Variants in GOLGB1 observed in about 807,000 individuals in gnomAD.
GOLGB1 encodes the protein golgin subfamily B member 1.
A neutral mutation model predicts 336.9 loss-of-function variants in GOLGB1; 174 were observed. The observed-to-expected ratio is 0.52, with a 90% confidence interval of 0.46 to 0.59. The LOEUF is 0.59. GOLGB1 is among the 20% of genes least tolerant of loss of function. The pLI, the probability that GOLGB1 is intolerant of heterozygous loss-of-function variation, is 0.00. For synonymous variants in GOLGB1, 1,208 were observed against 1,289.2 expected (o/e 0.94, Z 1.35); for missense variants, 3,331 against 3,645.3 (o/e 0.91, Z 2.22).
At chr3:121,675,118 G>A (rs1042871559) in intron 17 of GOLGB1, among the ~76,000 whole-genome samples, 12 of 150,842 alleles carry the variant, frequency 8.0e-5, no homozygotes, top group African/African-American at 2.4e-4. Context: ...TTACAGGCGT[G>A]AGCCACCGCG....
Position 121,702,610 on chromosome 3 carries a change from G to A in GOLGB1, c.1405-15C>T. On this transcript the variant is annotated splice_polypyrimidine_tract_variant and intron_variant, in intron 10 of 21. Coordinates refer to ENST00000614479, the MANE Select transcript of GOLGB1 (RefSeq NM_001366282.2). Reference sequence around the variant, plus strand: ...TCAGTGACTGCCTAAATTGTAGAAAGACAACAAATTAATGATTCTCCAGCA... The same window carrying A: ...TCAGTGACTGCCTAAATTGTAGAAAAACAACAAATTAATGATTCTCCAGCA... 1.6e-6 allele frequency: 2 copies of A among 1,249,572 alleles called. No individual in the cohort carries two copies. Among genetic ancestry groups the A allele is most frequent in the Non-Finnish European group, 2.2e-6 (2 of 912,922 alleles). 77.4% of individuals were successfully genotyped at this position (1,249,572 alleles called of 1,614,324 possible). A position where few individuals can be genotyped will look rare whatever the true frequency, so the allele number is the denominator to read the frequency against.
chr3:121,686,763 TAAG>T lies in GOLGB1; in HGVS notation c.8694+3904_8694+3906del, dbSNP rs563226862. 1.8e-4 allele frequency among the ~76,000 whole-genome samples: 27 copies of T among 152,206 alleles called. No homozygotes were observed. The South Asian group carries it at 5.6e-3, about 32-fold the overall frequency. The stretch of plus-strand genomic sequence containing the variant: ...AAGACAATCAGGCAATCACGAAATG[TAAG>T]AAGAGGATCTGAGCTCTGGAATGAC... On this transcript the variant is annotated intron_variant, in intron 14 of 21. Coordinates refer to ENST00000614479, the MANE Select transcript of GOLGB1 (RefSeq NM_001366282.2).
At chr3:121,673,721 AT>A (rs1939914700) in intron 17 of GOLGB1, among the ~76,000 whole-genome samples, 2 of 151,340 alleles carry the variant, frequency 1.3e-5, no homozygotes, top group Non-Finnish European at 2.9e-5. Flanking sequence ...CTATCTATCT[AT>A]CTATCTATCT....
chr3:121,684,363 C>T (rs552715962), intron 14 of GOLGB1, among the ~76,000 whole-genome samples: 3 of 146,600 alleles, frequency 2.0e-5, no homozygotes, highest in South Asian at 4.2e-4. Context: ...AGAAATAAGA[C>T]AACAGAGAAA....
At chr3:121,713,166 A>C (rs1944487094) in intron 10 of GOLGB1, among the ~76,000 whole-genome samples, 7 of 152,176 alleles carry the variant, frequency 4.6e-5, no homozygotes, top group Admixed American at 3.3e-4. Flanking sequence ...CGTCTTGGAA[A>C]AAAAAAATAG....
intron 17 of GOLGB1, among the ~76,000 whole-genome samples, chr3:121,670,749 T>G: frequency 7.8e-6 from 1 of 128,018 alleles, no homozygotes; most frequent in Non-Finnish European, 1.7e-5. Flanking sequence ...TCATAGGGTT[T>G]TCTTTTGGGG....
At chr3:121,689,027 C>T (rs1942119294) in intron 14 of GOLGB1, among the ~76,000 whole-genome samples, 1 of 149,570 alleles carries the variant, frequency 6.7e-6, no homozygotes, top group South Asian at 2.1e-4. Context: ...GGGGGTCAGC[C>T]CCCCGCCCAG....
At chr3:121,738,725 A>G (rs972435891) in intron 1 of GOLGB1, among the ~76,000 whole-genome samples, 4 of 152,156 alleles carry the variant, frequency 2.6e-5, no homozygotes, top group Non-Finnish European at 4.4e-5. Flanking sequence ...CTCTTCCAGG[A>G]TAGGGTCCCA....
rs529974499 is a variant in GOLGB1 at position 121,725,420 on chromosome 3, G to T, written c.531+1493C>A. Among the ~76,000 whole-genome samples, 5 of 152,230 alleles carry T rather than the reference G, an allele frequency of 3.3e-5. No individual in the cohort carries two copies. In the South Asian group the frequency reaches 1.0e-3, roughly 32 times the overall value. On this transcript the variant is annotated intron_variant, in intron 5 of 21. Coordinates refer to ENST00000614479, the MANE Select transcript of GOLGB1 (RefSeq NM_001366282.2). Reference sequence around the variant, plus strand: ...CTCTCTTGGTTTTCAAACTTGCTTGGGGTCTGTTACTCTCTTTCTTCTTGC... The same window carrying T: ...CTCTCTTGGTTTTCAAACTTGCTTGTGGTCTGTTACTCTCTTTCTTCTTGC...
intron 4 of GOLGB1, 167 bp downstream of exon 4, chr3:121,729,021 G>A: frequency 4.5e-6 from 2 of 446,772 alleles, no homozygotes; most frequent in Non-Finnish European, 8.0e-6. Context: ...CTCCCTGTGT[G>A]TGGCCTACAG....
chr3:121,711,367 C>T (rs1240421351), intron 10 of GOLGB1, among the ~76,000 whole-genome samples: 1 of 151,616 alleles, frequency 6.6e-6, no homozygotes, highest in Non-Finnish European at 1.5e-5. Flanking sequence ...AATTCCTCTA[C>T]AAGATTGAGG....
chr3:121,668,023 T>C (rs1320736739), intron 19 of GOLGB1, 38 bp downstream of exon 19: 4 of 1,070,336 alleles, frequency 3.7e-6, no homozygotes, highest in Non-Finnish European at 5.6e-6. Flanking sequence ...TTCTGGACTC[T>C]GGTGTATGCT....
At position 121,729,899 on chromosome 3, in the gene GOLGB1, T is replaced by A; in HGVS notation, c.215A>T (p.Asp72Val). Residue 72 changes from aspartate (D) to valine (V), a missense_variant, in exon 3 of 22, where the codon GAT becomes GTT. Physicochemically the swap from Asp to Val is radical, Grantham distance 152 (BLOSUM62 -3). Coordinates refer to ENST00000614479, the MANE Select transcript of GOLGB1 (RefSeq NM_001366282.2). ...VELKDIIRQK[D>V]VQLQQKDEAL... ...TTCATCTTTCTGCTGCAGTTGAACA[T>A]CCTTCTGTCTAATAATATCTTTTAG... 6.2e-7 allele frequency: 1 copy of A among 1,612,386 alleles called. No individual in the cohort carries two copies. The highest frequency in any genetic ancestry group is 1.1e-5 in the South Asian group (1 of 90,976).
At chr3:121,727,674 AT>A (rs141624133) in intron 4 of GOLGB1, among the ~76,000 whole-genome samples, 1 of 150,632 alleles carries the variant, frequency 6.6e-6, no homozygotes, top group Non-Finnish European at 1.5e-5. Context: ...TCAATAATCT[AT>A]TTTTTTTTCC....
rs1310700884 is a variant in GOLGB1 at position 121,698,342 on chromosome 3, G to A, written c.2181C>T (p.Asn727=). 1.9e-6 allele frequency: 3 copies of A among 1,613,752 alleles called. No homozygotes were observed. The highest frequency in any genetic ancestry group is 2.5e-6 in the Non-Finnish European group (3 of 1,179,768). The change falls in exon 13 of 22, where the codon AAC becomes AAT. Residue 727 remains asparagine, a synonymous_variant. Transcript: ENST00000614479. ...TTTTCTTAAACTCCTCAATCAACTG[G>A]TTTAGGTTGCTAATTTCCTTAGCTT... is the stretch of plus-strand genomic sequence containing the variant. The part of the protein sequence containing the change: ...DEKAKEISNL[N]QLIEEFKKNA...
At chr3:121,741,448 ATAAT>A (rs1946851991) in intron 1 of GOLGB1, among the ~76,000 whole-genome samples, 2 of 152,232 alleles carry the variant, frequency 1.3e-5, no homozygotes, top group African/African-American at 4.8e-5. Context: ...ACAGTTTTCA[ATAAT>A]TAAAAGTGGT....
rs1943080478 is a variant in GOLGB1, at chr3:121,697,830, T to C, written c.2693A>G (p.Gln898Arg). Residue 898 changes from glutamine (Q) to arginine (R), a missense_variant, in exon 13 of 22, where the codon CAA becomes CGA. Gln to Arg is a conservative substitution (Grantham distance 43). Transcript: ENST00000614479. ...TTGATCCTTCTCCTCGATGGTTTGTTGGAGGGTTTCCACATCTCTCTTTTT... is the reference window on the plus strand; with the variant it reads ...TTGATCCTTCTCCTCGATGGTTTGTCGGAGGGTTTCCACATCTCTCTTTTT... Reference protein sequence around the residue: ...LEKKRDVETLQQTIEEKDQQV... With the variant: ...LEKKRDVETLRQTIEEKDQQV... The C allele has an allele frequency of 6.2e-7, 1 of 1,614,132 alleles. No individual in the cohort carries two copies. Among genetic ancestry groups the C allele is most frequent in the Non-Finnish European group, 8.5e-7 (1 of 1,179,968 alleles).
rs1182180517 is a variant in GOLGB1, at chr3:121,691,854, G to A, written c.7510C>T (p.Gln2504Ter). Residue 2504 changes from glutamine (Q) to a stop codon, truncating the protein, a stop_gained, in exon 14 of 22, where the codon CAA (glutamine) becomes TAA (stop). Coordinates refer to ENST00000614479, the MANE Select transcript of GOLGB1 (RefSeq NM_001366282.2). LOFTEE classifies it high-confidence loss of function. ...SIILEKDQLI[Q>*]EAAAENNKLK... Reference sequence around the variant, plus strand: ...TTATTATTCTCTGCAGCAGCCTCTTGGATGAGTTGGTCTTTTTCCAAGATT... The same window carrying A: ...TTATTATTCTCTGCAGCAGCCTCTTAGATGAGTTGGTCTTTTTCCAAGATT... The A allele has an allele frequency of 6.2e-7, 1 of 1,613,078 alleles. No individual in the cohort carries two copies.
intron 14 of GOLGB1, among the ~76,000 whole-genome samples, chr3:121,688,987 C>T (rs13075221): frequency 0.22 from 33,247 of 151,492 alleles, 4,173 homozygotes; most frequent in Non-Finnish European, 0.29. Context: ...CGTCTCCGCC[C>T]GGCAGCCACC....
Sources: allele counts gnomAD v4.1 joint callset (sites outside exome capture counted in the v4.1 genomes callset), GRCh38; gene constraint gnomAD v4.1.1; transcripts MANE v1.5; gene names NCBI Gene and HGNC (gene_info 2026-07-23, HGNC 2026-07-21).